GPATCH2: variants seen among roughly 807,000 people sequenced by gnomAD.
The protein encoded by GPATCH2 is G patch domain-containing protein 2.
A neutral mutation model predicts 58.0 loss-of-function variants in GPATCH2; 51 were observed. The observed-to-expected ratio is 0.88, with a 90% confidence interval of 0.70 to 1.11. The LOEUF (loss-of-function observed/expected upper bound fraction) is 1.11, where lower values mean the gene tolerates loss of function less well. Ranked by LOEUF, GPATCH2 falls within the 50% of genes most tolerant of loss-of-function variation. The probability of loss-of-function intolerance (pLI) is 0.00; values close to 1 mark genes in which losing one functional copy is unlikely to be tolerated. For missense variants in GPATCH2, 625 were observed against 652.2 expected (o/e 0.96, Z 0.45); for synonymous variants, 222 against 218.5 (o/e 1.02, Z -0.14).
intron 7 of GPATCH2, 89 bp from the exon 8 acceptor site, chr1:217,491,839 AC>A: frequency 2.0e-6 from 1 of 495,908 alleles, no homozygotes. Context: ...ATTCAAAGGG[AC>A]ACTACTCATT....
At chr1:217,496,116 C>T (rs1196263904) in intron 7 of GPATCH2, among the ~76,000 whole-genome samples, 1 of 152,178 alleles carries the variant, frequency 6.6e-6, no homozygotes, top group African/African-American at 2.4e-5. Flanking sequence ...ACAGTTTAGT[C>T]TGCTATACAG....
intron 8 of GPATCH2, among the ~76,000 whole-genome samples, chr1:217,491,334 C>T (rs1267102111): frequency 3.3e-5 from 5 of 152,088 alleles, no homozygotes; most frequent in Non-Finnish European, 7.4e-5. Context: ...ACACATATTT[C>T]TCTCTCATAA....
Position 217,430,798 on chromosome 1 carries a change from G to A in GPATCH2, c.*347C>T, listed in dbSNP as rs1658496985. ...TTTAGAAACTGGTGGGTGTGCTCAC[G>A]TTTGTCTGGGCATTGCAGCACTGCA... On this transcript the variant is annotated 3_prime_UTR_variant, in exon 10 of 10. Coordinates refer to ENST00000366935, the MANE Select transcript of GPATCH2 (RefSeq NM_018040.5). 1.2e-5 allele frequency: 3 copies of A among 247,210 alleles called. No homozygotes were observed. The highest frequency in any genetic ancestry group is 4.5e-5 in the African/African-American group (2 of 44,364). The allele number at this position is 247,210 out of a possible 1,614,324, so 15.3% of individuals were successfully genotyped here.
At chr1:217,590,733 G>A (rs1371782533) in intron 5 of GPATCH2, among the ~76,000 whole-genome samples, 3 of 152,188 alleles carry the variant, frequency 2.0e-5, no homozygotes, top group Non-Finnish European at 4.4e-5. Flanking sequence ...CCACTAGAAG[G>A]CATTTGAACT....
chr1:217,557,638 C>T (rs184573114), intron 5 of GPATCH2, among the ~76,000 whole-genome samples: 2 of 152,272 alleles, frequency 1.3e-5, no homozygotes, highest in Admixed American at 6.5e-5. Context: ...TTTCACCCTA[C>T]ATGGATAACT....
At chr1:217,442,620 T>C (rs887863724) in intron 9 of GPATCH2, among the ~76,000 whole-genome samples, 4 of 140,762 alleles carry the variant, frequency 2.8e-5, no homozygotes, top group African/African-American at 1.2e-4. Flanking sequence ...TAAACAAGCA[T>C]AGCAAATCTG....
chr1:217,496,070 G>A (rs532324841), intron 7 of GPATCH2, among the ~76,000 whole-genome samples: 20 of 152,206 alleles, frequency 1.3e-4, no homozygotes, highest in African/African-American at 4.6e-4. Context: ...ATACTTCATG[G>A]TCTTGCATTT....
intron 9 of GPATCH2, among the ~76,000 whole-genome samples, chr1:217,448,432 G>A (rs1016757318): frequency 1.3e-5 from 2 of 152,074 alleles, no homozygotes; most frequent in Admixed American, 6.5e-5. Context: ...TATGGCTAAC[G>A]GCTGTTTATT....
At chr1:217,585,169 G>C (rs1667279746) in intron 5 of GPATCH2, among the ~76,000 whole-genome samples, 2 of 151,746 alleles carry the variant, frequency 1.3e-5, no homozygotes, top group Non-Finnish European at 2.9e-5. Context: ...CTTACACTAT[G>C]TTTTCTTCTA....
intron 1 of GPATCH2, among the ~76,000 whole-genome samples, chr1:217,625,964 A>T (rs1669434512): frequency 6.6e-6 from 1 of 152,172 alleles, no homozygotes; most frequent in African/African-American, 2.4e-5. Flanking sequence ...AGTTTGGATG[A>T]CAGAGAGACT....
intron 8 of GPATCH2, among the ~76,000 whole-genome samples, chr1:217,454,148 G>A (rs1571727383): frequency 6.6e-6 from 1 of 152,072 alleles, no homozygotes; most frequent in South Asian, 2.1e-4. Flanking sequence ...CGCTTTACTT[G>A]GTGTCAATAT....
In GPATCH2 at chr1:217,610,338, CT is replaced by C. The variant is rs1318686420; in HGVS notation, c.1080del (p.Thr362LeufsTer45). 6.3e-7 allele frequency: 1 copy of C among 1,594,264 alleles called. No homozygotes were observed. Among genetic ancestry groups the C allele is most frequent in the South Asian group, 1.1e-5 (1 of 90,306 alleles). On this transcript the variant is annotated frameshift_variant, in exon 5 of 10. Transcript: ENST00000366935. LOFTEE classifies it high-confidence loss of function. The stretch of plus-strand genomic sequence containing the variant: ...ATGCCTACCATTGAAGTTGGAGTCC[CT>C]CCAGATTTTTTAATATTCTTTGAAG... ...GMSSKNIKKSGGTPTSMVPIP... is the reference protein window; with the variant it reads ...GMSSKNIKKSXGTPTSMVPIP...
In GPATCH2 at chr1:217,482,051, CTG is replaced by C. The variant is rs200973269; in HGVS notation, c.1277+9627_1277+9628del. Among the ~76,000 whole-genome samples, 420 of 152,056 alleles carry C rather than the reference CTG, an allele frequency of 2.8e-3. 6 individuals are homozygous for C. The East Asian group carries it at 0.048, about 17-fold the overall frequency. ...TTTCTCTATTTTATAGATAAGTAAA[CTG>C]AGAGAGAGAGAGAGGGTCAGTATTT... On this transcript the variant is annotated intron_variant, in intron 8 of 9. Coordinates refer to ENST00000366935, the MANE Select transcript of GPATCH2 (RefSeq NM_018040.5).
chr1:217,568,675 CAA>C (rs1666389184), intron 5 of GPATCH2, among the ~76,000 whole-genome samples: 1 of 152,078 alleles, frequency 6.6e-6, no homozygotes, highest in Non-Finnish European at 1.5e-5. Flanking sequence ...CAGAAATGAG[CAA>C]AGAGAAAGGA....
intron 5 of GPATCH2, among the ~76,000 whole-genome samples, chr1:217,575,287 G>A (rs1024070891): frequency 6.6e-6 from 1 of 152,076 alleles, no homozygotes; most frequent in Non-Finnish European, 1.5e-5. Context: ...GCTGGAAACT[G>A]TTAGTTATCA....
intron 8 of GPATCH2, among the ~76,000 whole-genome samples, chr1:217,474,771 C>A (rs181086438): frequency 6.6e-6 from 1 of 152,040 alleles, no homozygotes; most frequent in East Asian, 1.9e-4. Flanking sequence ...AATGACCCTA[C>A]AATTTATTGA....
At chr1:217,611,338 G>C (rs1040253194) in intron 3 of GPATCH2, among the ~76,000 whole-genome samples, 7 of 152,002 alleles carry the variant, frequency 4.6e-5, no homozygotes, top group African/African-American at 1.2e-4. Context: ...TGTTTTATTT[G>C]ACAACTGCAT....
chr1:217,453,705 C>A (rs912325486), intron 8 of GPATCH2, among the ~76,000 whole-genome samples: 14 of 152,198 alleles, frequency 9.2e-5, no homozygotes, highest in African/African-American at 3.4e-4. Flanking sequence ...GAAACAAAAA[C>A]TCTACTGAGA....
intron 5 of GPATCH2, among the ~76,000 whole-genome samples, chr1:217,590,950 T>G (rs6687023): frequency 1.3e-5 from 2 of 152,028 alleles, no homozygotes; most frequent in Non-Finnish European, 2.9e-5. Flanking sequence ...AATTCAGGTA[T>G]GAAAATGGAA....
Sources: allele counts gnomAD v4.1 joint callset (sites outside exome capture counted in the v4.1 genomes callset), GRCh38; gene constraint gnomAD v4.1.1; transcripts MANE v1.5; gene names NCBI Gene and HGNC (gene_info 2026-07-23, HGNC 2026-07-21).